The following TLCD4 variants were observed in gnomAD, a reference collection of about 807,000 sequenced individuals.
The protein encoded by TLCD4 is TLC domain-containing protein 4.
In TLCD4, 7 loss-of-function variants were observed where a neutral mutation model predicts 24.2. The observed-to-expected ratio is 0.29, with a 90% CI of 0.16 to 0.54. The LOEUF (loss-of-function observed/expected upper bound fraction) is 0.54, where lower values mean the gene tolerates loss of function less well. Ranked by LOEUF, TLCD4 falls within the 20% of genes least tolerant of loss-of-function variation. The pLI, the probability that TLCD4 is intolerant of heterozygous loss-of-function variation, is 0.95. For missense variants in TLCD4, 259 were observed against 313.9 expected (o/e 0.82, Z 1.32); for synonymous variants, 103 against 106.4 (o/e 0.97, Z 0.20).
At chr1:95,161,357 T>G (rs188386952) in intron 5 of TLCD4, among the ~76,000 whole-genome samples, 31,916 of 152,208 alleles carry the variant, frequency 0.21, 3,437 homozygotes, top group Admixed American at 0.25. Flanking sequence ...ATATCCCCTT[T>G]ATCATTTTTT....
At chr1:95,137,200 C>G (rs888576431) in intron 1 of TLCD4, among the ~76,000 whole-genome samples, 6 of 152,066 alleles carry the variant, frequency 3.9e-5, no homozygotes, top group African/African-American at 1.4e-4. Flanking sequence ...GAAACCTCAT[C>G]TATTTTAAGA....
At chr1:95,156,284 A>G (rs1029558835) in intron 5 of TLCD4, among the ~76,000 whole-genome samples, 12 of 152,182 alleles carry the variant, frequency 7.9e-5, no homozygotes, top group Admixed American at 7.2e-4. Flanking sequence ...AAGGCTTTCT[A>G]GGTCAGAAAA....
Position 95,197,297 on chromosome 1 carries a change from G to C in TLCD4, c.*5429G>C, listed in dbSNP as rs1679233373. On this transcript the variant is annotated 3_prime_UTR_variant, in exon 7 of 7. Coordinates refer to ENST00000370203, the MANE Select transcript of TLCD4 (RefSeq NM_152487.3). ...TTTTGTTTCCTGGTTGTTTTATTTG[G>C]AGGGATAATAAATGTCTAAGTTATT... The C allele has an allele frequency of 6.6e-6, 1 of 152,052 alleles. No individual in the cohort carries two copies. Among genetic ancestry groups the C allele is most frequent in the Non-Finnish European group, 1.5e-5 (1 of 67,988 alleles). 9.4% of individuals were successfully genotyped at this position (152,052 alleles called of 1,614,324 possible). A position where few individuals can be genotyped will look rare whatever the true frequency, so the allele number is the denominator to read the frequency against.
intron 5 of TLCD4, among the ~76,000 whole-genome samples, chr1:95,160,940 G>T (rs554486435): frequency 6.6e-6 from 1 of 152,100 alleles, no homozygotes; most frequent in East Asian, 1.9e-4. Context: ...CAATGTTCAT[G>T]AAGGATATTG....
the TLCD4 span, among the ~76,000 whole-genome samples, chr1:95,093,508 C>T: frequency 1.3e-5 from 2 of 152,108 alleles, no homozygotes. Flanking sequence ...GAGGTACTGA[C>T]CTTGAGCTGG....
chr1:95,155,201 T>C (rs1677599676), intron 5 of TLCD4, among the ~76,000 whole-genome samples: 1 of 152,010 alleles, frequency 6.6e-6, no homozygotes, highest in South Asian at 2.1e-4. Flanking sequence ...GTAGAAAAAT[T>C]TCCCATAGTA....
chr1:95,178,195 C>T (rs1678502430), intron 6 of TLCD4, among the ~76,000 whole-genome samples: 1 of 152,020 alleles, frequency 6.6e-6, no homozygotes, highest in South Asian at 2.1e-4. Flanking sequence ...AATCTGCCCA[C>T]CTCGGCCTCC....
intron 1 of TLCD4, among the ~76,000 whole-genome samples, chr1:95,142,270 C>G (rs1677219615): frequency 6.9e-6 from 1 of 145,400 alleles, no homozygotes; most frequent in Admixed American, 7.1e-5. Flanking sequence ...TTGTTAAGAC[C>G]TGAAGCTCTT....
At chr1:95,187,252 G>A (rs952266621) in intron 6 of TLCD4, among the ~76,000 whole-genome samples, 2 of 152,180 alleles carry the variant, frequency 1.3e-5, no homozygotes, top group Non-Finnish European at 2.9e-5. Context: ...CAATTAGCGA[G>A]CCAGTGTTAA....
chr1:95,101,896 G>C, the TLCD4 span, among the ~76,000 whole-genome samples: 1 of 152,166 alleles, frequency 6.6e-6, no homozygotes, highest in African/African-American at 2.4e-5. Context: ...TAGAGATGCA[G>C]GAAAATGGAG....
chr1:95,159,951 C>G lies in TLCD4; in HGVS notation c.399+8532C>G, dbSNP rs574052111. ...AAGTCAGGTAGCATGATGCCTCCAG[C>G]ATTGTTCTTTTGGCTTAGGATTGTC... On this transcript the variant is annotated intron_variant, in intron 5 of 6. Coordinates refer to ENST00000370203, the MANE Select transcript of TLCD4 (RefSeq NM_152487.3). Among the ~76,000 whole-genome samples the G allele has an allele frequency of 3.1e-3, 475 of 152,308 alleles. 2 individuals carry two copies. Among genetic ancestry groups the G allele is most frequent in the Non-Finnish European group, 5.5e-3 (374 of 68,032 alleles).
upstream of TLCD4, among the ~76,000 whole-genome samples, chr1:95,114,161 G>A (rs1676388472): frequency 6.6e-6 from 1 of 152,170 alleles, no homozygotes; most frequent in South Asian, 2.1e-4. Flanking sequence ...CTGGTCTCAA[G>A]CAATCCTCCT....
At chr1:95,110,651 G>A in the TLCD4 span, among the ~76,000 whole-genome samples, 1 of 151,994 alleles carries the variant, frequency 6.6e-6, no homozygotes, top group African/African-American at 2.4e-5. Context: ...CACTTTGGGA[G>A]GCCAAGATGG....
At chr1:95,131,823 G>A (rs1278573126) in intron 1 of TLCD4, among the ~76,000 whole-genome samples, 3 of 152,174 alleles carry the variant, frequency 2.0e-5, no homozygotes, top group Admixed American at 2.0e-4. Context: ...CAAAACTCAT[G>A]TTGAAATTTG....
intron 1 of TLCD4, among the ~76,000 whole-genome samples, chr1:95,134,066 T>A (rs1676978899): frequency 6.6e-6 from 1 of 151,936 alleles, no homozygotes; most frequent in African/African-American, 2.4e-5. Flanking sequence ...AAGAAGGCCC[T>A]GGTCAACAAA....
the TLCD4 span, among the ~76,000 whole-genome samples, chr1:95,105,493 C>T: frequency 6.6e-6 from 1 of 152,152 alleles, no homozygotes; most frequent in African/African-American, 2.4e-5. Flanking sequence ...TAATTAGGCA[C>T]TTGTCCAGAA....
intron 1 of TLCD4, chr1:95,120,110 TTTC>T (rs1020531852): frequency 1.3e-5 from 2 of 152,218 alleles, no homozygotes; most frequent in African/African-American, 2.4e-5. Flanking sequence ...TGTTGTGCTT[TTTC>T]TTCTTCCATT....
chr1:95,096,837 A>G, the TLCD4 span, among the ~76,000 whole-genome samples: 1 of 152,050 alleles, frequency 6.6e-6, no homozygotes, highest in Admixed American at 6.6e-5. Context: ...CTCCCCTCAC[A>G]CCATGTGTGC....
intron 5 of TLCD4, 76 bp downstream of exon 5, chr1:95,151,495 A>C: frequency 6.6e-7 from 1 of 1,522,340 alleles, no homozygotes; most frequent in East Asian, 2.3e-5. Context: ...ACATAAATCT[A>C]AACATACAAT....
Sources: allele counts gnomAD v4.1 joint callset (sites outside exome capture counted in the v4.1 genomes callset), GRCh38; gene constraint gnomAD v4.1.1; transcripts MANE v1.5; gene names NCBI Gene and HGNC (gene_info 2026-07-23, HGNC 2026-07-21).